Variants in KCNG3 observed in about 807,000 individuals in gnomAD.
KCNG3 encodes potassium voltage-gated channel modifier subfamily G member 3.
A neutral mutation model predicts 29.0 loss-of-function variants in KCNG3; 15 were observed. The ratio of observed to expected loss-of-function variants is 0.52; its 90% CI spans 0.35 to 0.80. The LOEUF (loss-of-function observed/expected upper bound fraction) is 0.80, where lower values mean the gene tolerates loss of function less well. KCNG3 is among the 30% of genes least tolerant of loss of function. The pLI is 0.01. For missense variants in KCNG3, 512 were observed against 605.7 expected, an observed-to-expected ratio of 0.85 and a Z score of 1.62; for synonymous variants, 322 against 248.9, an observed-to-expected ratio of 1.29 and a Z score of -2.76.
At chr2:42,437,269 A>G (rs1672393033), downstream of KCNG3, among the ~76,000 whole-genome samples, 1 of 152,208 alleles carries the variant, frequency 6.6e-6, no homozygotes, top group Non-Finnish European at 1.5e-5. Flanking sequence ...GGAATCTAAT[A>G]AGTGGTTTTG....
chr2:42,403,169 CT>C, the KCNG3 span, among the ~76,000 whole-genome samples: 1 of 152,172 alleles, frequency 6.6e-6, no homozygotes, highest in Non-Finnish European at 1.5e-5. Flanking sequence ...GAGACAGGGT[CT>C]CACTCTGCCA....
the KCNG3 span, among the ~76,000 whole-genome samples, chr2:42,394,648 G>A: frequency 1.3e-5 from 2 of 152,196 alleles, no homozygotes; most frequent in Admixed American, 6.5e-5. Flanking sequence ...CCTTTGGAGA[G>A]GCTACCTATG....
At chr2:42,472,758 C>T (rs1397693759) in intron 1 of KCNG3, among the ~76,000 whole-genome samples, 1 of 151,508 alleles carries the variant, frequency 6.6e-6, no homozygotes, top group Admixed American at 6.6e-5. Flanking sequence ...CCTCGGCCTC[C>T]CAAAGTGCTG....
intron 1 of KCNG3, among the ~76,000 whole-genome samples, chr2:42,491,920 G>C (rs1454915596): frequency 6.6e-6 from 1 of 152,128 alleles, no homozygotes; most frequent in Admixed American, 6.5e-5. Context: ...ATGCAGTTTG[G>C]GTTTTGTGCC....
intron 1 of KCNG3, among the ~76,000 whole-genome samples, chr2:42,467,595 G>C (rs1318520515): frequency 1.3e-5 from 2 of 151,806 alleles, no homozygotes; most frequent in African/African-American, 4.8e-5. Flanking sequence ...TTGAACCCAG[G>C]AGGTGGAGGT....
chr2:42,425,378 G>A, the KCNG3 span, among the ~76,000 whole-genome samples: 21 of 136,506 alleles, frequency 1.5e-4, no homozygotes, highest in Non-Finnish European at 2.3e-4. Context: ...CAGCCTGGGC[G>A]ACAGAGCAAG....
chr2:42,477,966 T>C (rs147342632), intron 1 of KCNG3, among the ~76,000 whole-genome samples: 53 of 152,052 alleles, frequency 3.5e-4, no homozygotes, highest in African/African-American at 1.3e-3. Flanking sequence ...CTTAGTAAGG[T>C]TCTGGATGAG....
rs533019870 is a variant in KCNG3 at position 42,444,604 on chromosome 2, T to G, written c.666-25A>C. On this transcript the variant is annotated intron_variant, in intron 1 of 1. Transcript: ENST00000306078. The surrounding 1 kb of genome is among the most constrained non-coding windows in gnomAD (Gnocchi z 5.8). ...CCTGTCAAGAGAACAAAAGAAGAAT[T>G]GATCATTTTATTTTTAAGCATTTTA... The G allele has an allele frequency of 2.5e-5, 39 of 1,572,652 alleles. No homozygotes were observed. The East Asian group carries it at 6.5e-4, about 26-fold the overall frequency.
At chr2:42,398,900 CTG>C in the KCNG3 span, among the ~76,000 whole-genome samples, 4 of 152,328 alleles carry the variant, frequency 2.6e-5, no homozygotes, top group African/African-American at 9.6e-5. Context: ...GCCTCAACCA[CTG>C]GGAGCTCTGC....
At chr2:42,407,802 G>A in the KCNG3 span, among the ~76,000 whole-genome samples, 3 of 151,802 alleles carry the variant, frequency 2.0e-5, no homozygotes, top group African/African-American at 7.3e-5. Flanking sequence ...TGCCCTCCCT[G>A]GTGCAGCTTC....
At chr2:42,473,364 T>C (rs1380406921) in intron 1 of KCNG3, among the ~76,000 whole-genome samples, 1 of 151,896 alleles carries the variant, frequency 6.6e-6, no homozygotes, top group Non-Finnish European at 1.5e-5. Flanking sequence ...TTTTGTTTGT[T>C]TTTTTGAGAC....
chr2:42,444,237 G>T lies in KCNG3; in HGVS notation c.1008C>A (p.Ile336=). ...CAAGAAGCTGAGAAAGTGCACTAAA[G>T]ATTGCCATGGCAACACAAATGAAGA... ...LLVFICVAMA[I]FSALSQLLEH... is the part of the protein sequence containing the mutation. Residue 336 remains isoleucine, a synonymous_variant, in exon 2 of 2, where the codon ATC becomes ATA. Coordinates refer to ENST00000306078, the MANE Select transcript of KCNG3 (RefSeq NM_133329.6). This position sits in a 1 kb window ranked among gnomAD's most constrained non-coding sequence, Gnocchi z 5.8. 2 of 1,614,158 alleles carry T rather than the reference G, an allele frequency of 1.2e-6. No individual in the cohort carries two copies. The highest frequency in any genetic ancestry group is 8.5e-7 in the Non-Finnish European group (1 of 1,180,040).
At chr2:42,439,594 AAAAAAG>A (rs1191402539), downstream of KCNG3, among the ~76,000 whole-genome samples, 3 of 150,620 alleles carry the variant, frequency 2.0e-5, no homozygotes, top group East Asian at 3.9e-4. Flanking sequence ...CGTTAAAAAA[AAAAAAG>A]AAAAAGAAAA....
intron 1 of KCNG3, among the ~76,000 whole-genome samples, chr2:42,446,101 G>C (rs566756165): frequency 6.6e-6 from 1 of 152,072 alleles, no homozygotes; most frequent in South Asian, 2.1e-4. Context: ...AAACCCCAAA[G>C]CTGAGAAAAT....
chr2:42,402,234 C>T, the KCNG3 span, among the ~76,000 whole-genome samples: 1 of 152,262 alleles, frequency 6.6e-6, no homozygotes, highest in Non-Finnish European at 1.5e-5. Context: ...GACTGAATTA[C>T]ACCACTGGGT....
Position 42,493,597 on chromosome 2 carries a change from G to C in KCNG3, c.-96C>G. 8.8e-7 allele frequency: 1 copy of C among 1,138,648 alleles called. No homozygotes were observed. Among genetic ancestry groups the C allele is most frequent in the Non-Finnish European group, 1.1e-6 (1 of 904,080 alleles). The allele number at this position is 1,138,648 out of a possible 1,614,324, so 70.5% of individuals were successfully genotyped here. On this transcript the variant is annotated 5_prime_UTR_variant, in exon 1 of 2. Coordinates refer to ENST00000306078, the MANE Select transcript of KCNG3 (RefSeq NM_133329.6). The stretch of plus-strand genomic sequence containing the variant: ...GCCTGCCTGCCCGTGGCTGACGGGG[G>C]AGCGCGCCGTCGGGGCCCGCGCTCC...
the KCNG3 span, among the ~76,000 whole-genome samples, chr2:42,433,721 GAACAAAACTCTGTCTCAA>G: frequency 2.0e-5 from 3 of 152,056 alleles, no homozygotes; most frequent in African/African-American, 7.2e-5. Flanking sequence ...CTGGGTGACA[GAACAAAACTCTGTCTCAA>G]AACAAAACAA....
At position 42,481,245 on chromosome 2, in the gene KCNG3, G is replaced by A. The variant is rs376588858; in HGVS notation, c.665+11592C>T. 1.2e-4 allele frequency among the ~76,000 whole-genome samples: 18 copies of A among 152,308 alleles called. No homozygotes were observed. In the East Asian group the frequency reaches 2.5e-3, roughly 21 times the overall value. On this transcript the variant is annotated intron_variant, in intron 1 of 1. Transcript: ENST00000306078. ...CCCTTGTCATACCATGAGGCCAGAG[G>A]CTCACTTGGCTGATTATAAGAATAT... is the stretch of plus-strand genomic sequence containing the variant.
chr2:42,416,234 C>G, the KCNG3 span, among the ~76,000 whole-genome samples: 738 of 152,182 alleles, frequency 4.8e-3, 4 homozygotes, highest in African/African-American at 0.016. Flanking sequence ...TAAATGAGTA[C>G]AAAGCTACAG....
Sources: gnomAD v4.1 joint callset for allele counts (sites outside exome capture counted in the v4.1 genomes callset) on GRCh38, gnomAD v4.1.1 for gene constraint, Gnocchi (gnomAD v3.1) non-coding constraint, MANE v1.5 for transcripts, NCBI Gene and HGNC (gene_info 2026-07-23, HGNC 2026-07-21) for gene names.